UBR3: variants seen among roughly 807,000 people sequenced by gnomAD.
The protein encoded by UBR3 is E3 ubiquitin-protein ligase UBR3.
A neutral mutation model predicts 243.2 loss-of-function variants in UBR3; 85 were observed. The observed-to-expected ratio is 0.35, with a 90% CI of 0.29 to 0.42. UBR3 has a LOEUF of 0.42. Among genes scored for constraint, UBR3 ranks in the 10% least tolerant of loss-of-function variants. The pLI, the probability that UBR3 is intolerant of heterozygous loss-of-function variation, is 1.00. For missense variants in UBR3, 1,686 were observed against 2,300.8 expected (o/e 0.73, Z 5.47); for synonymous variants, 748 against 799.8 (o/e 0.94, Z 1.09).
intron 11 of UBR3, among the ~76,000 whole-genome samples, chr2:169,916,444 A>G (rs2085467361): frequency 1.3e-5 from 2 of 151,440 alleles, no homozygotes; most frequent in South Asian, 4.2e-4. Context: ...TCCTCATCCT[A>G]TTCCCCCTTT....
Position 169,902,702 on chromosome 2 carries a change from C to T in UBR3, c.1466-2412C>T, listed in dbSNP as rs368198321. On this transcript the variant is annotated intron_variant, in intron 8 of 38. Coordinates refer to ENST00000272793, the MANE Select transcript of UBR3 (RefSeq NM_172070.4). ...TCGGCTCACTGCAACCTCCGCCTCC[C>T]GGGTTCAAGTGATTCTCCTGCCTCA... Among the ~76,000 whole-genome samples the T allele has an allele frequency of 7.9e-5, 12 of 152,002 alleles. No homozygotes were observed. In the East Asian group the frequency reaches 9.7e-4, roughly 12 times the overall value.
chr2:169,839,231 A>G (rs1203950556), intron 1 of UBR3, among the ~76,000 whole-genome samples: 1 of 152,254 alleles, frequency 6.6e-6, no homozygotes, highest in African/African-American at 2.4e-5. Flanking sequence ...CATGGGTGGG[A>G]CTGGAGGTCA....
intron 31 of UBR3, among the ~76,000 whole-genome samples, chr2:170,029,777 T>C (rs758958436): frequency 1.3e-5 from 2 of 152,086 alleles, no homozygotes; most frequent in Non-Finnish European, 2.9e-5. Context: ...GATTCCTGCA[T>C]TGTAAAGTGC....
chr2:169,966,597 G>A (rs1460090335), intron 24 of UBR3, among the ~76,000 whole-genome samples: 1 of 152,192 alleles, frequency 6.6e-6, no homozygotes, highest in East Asian at 1.9e-4. Context: ...GCAGTATAGT[G>A]TAGTGGTTGT....
At chr2:169,992,676 G>A (rs982571733) in intron 25 of UBR3, among the ~76,000 whole-genome samples, 6 of 152,136 alleles carry the variant, frequency 3.9e-5, no homozygotes, top group African/African-American at 1.4e-4. Flanking sequence ...TTTAAGAGCA[G>A]CTCTTCTGAT....
intron 31 of UBR3, among the ~76,000 whole-genome samples, chr2:170,034,220 C>T (rs72876415): frequency 0.03 from 4,513 of 152,038 alleles, 91 homozygotes; most frequent in Non-Finnish European, 0.046. Context: ...AGGGTTCACT[C>T]TTGCTGTTGA....
intron 19 of UBR3, among the ~76,000 whole-genome samples, chr2:169,936,351 G>T (rs2105352685): frequency 6.6e-6 from 1 of 152,232 alleles, no homozygotes; most frequent in South Asian, 2.1e-4. Flanking sequence ...GAACCACCGT[G>T]CCTGGCCCAG....
chr2:169,869,349 G>A (rs1326590771), intron 1 of UBR3, among the ~76,000 whole-genome samples: 1 of 150,388 alleles, frequency 6.6e-6, no homozygotes, highest in Admixed American at 6.7e-5. Context: ...AGACTCCTGA[G>A]TAGCTAGGAC....
In UBR3 at chr2:170,001,329, T is replaced by G. The variant is rs1405756891; in HGVS notation, c.3944T>G (p.Ile1315Ser). The G allele has an allele frequency of 2.2e-5, 35 of 1,613,222 alleles. No homozygotes were observed. Among genetic ancestry groups the G allele is most frequent in the Non-Finnish European group, 3.0e-5 (35 of 1,179,424 alleles). ...AGTTCATGTCTCTTGGCAGTATCAA[T>G]TGGCTGGGAAGGAGGTGTTTATGTA... ...KDSSCLLAVS[I>S]GWEGGVYVQT... Residue 1315 changes from isoleucine (I) to serine (S), a missense_variant, in exon 27 of 39, where the codon ATT (isoleucine) becomes AGT (serine). Ile to Ser is a moderately radical substitution (Grantham distance 142). Around this residue, in one of 8 missense-constraint regions of UBR3, gnomAD observed 156 missense variants for 246.3 expected, o/e 0.63. Transcript: ENST00000272793.
At chr2:169,961,678 G>T (rs932127232) in intron 24 of UBR3, among the ~76,000 whole-genome samples, 6 of 152,086 alleles carry the variant, frequency 3.9e-5, no homozygotes, top group Admixed American at 2.6e-4. Flanking sequence ...AAAAAGTCTG[G>T]TGGTAATCTA....
At chr2:169,845,519 G>A (rs1345695958) in intron 1 of UBR3, among the ~76,000 whole-genome samples, 18 of 145,348 alleles carry the variant, frequency 1.2e-4, no homozygotes, top group African/African-American at 4.1e-4. Flanking sequence ...CGTCGTCGTC[G>A]TCGTCGTCGT....
rs1309053509 is a variant in UBR3, at chr2:169,891,204, A to C, written c.1078A>C (p.Arg360=). The stretch of plus-strand genomic sequence containing the variant: ...TAGTCAAGGTCTGGGCAAGAGAAAA[A>C]GGGTAAAACTAAGCAGTGGCACCAA... ...DGSQGLGKRK[R]VKLSSGTKDQ... is the part of the protein sequence containing the mutation. Residue 360 remains arginine, a synonymous_variant, in exon 6 of 39, where the codon AGG becomes CGG. Coordinates refer to ENST00000272793, the MANE Select transcript of UBR3 (RefSeq NM_172070.4). 1.9e-6 allele frequency: 3 copies of C among 1,549,106 alleles called. No homozygotes were observed. Among genetic ancestry groups the C allele is most frequent in the Non-Finnish European group, 2.6e-6 (3 of 1,145,242 alleles).
chr2:169,990,448 A>T (rs2089219031), intron 25 of UBR3, among the ~76,000 whole-genome samples: 2 of 152,128 alleles, frequency 1.3e-5, no homozygotes, highest in South Asian at 4.1e-4. Flanking sequence ...AAGATTCAGA[A>T]AGAGCAGTTA....
At chr2:169,877,357 A>G (rs72887736) in intron 3 of UBR3, 137 bp from the exon 4 acceptor site, 73,134 of 689,018 alleles carry the variant, frequency 0.11, 4,844 homozygotes, top group Admixed American at 0.19. Context: ...TGTTATTTGA[A>G]GCTATCTTAT....
intron 33 of UBR3, among the ~76,000 whole-genome samples, chr2:170,060,341 G>A (rs1574465535): frequency 6.6e-6 from 1 of 151,996 alleles, no homozygotes; most frequent in East Asian, 1.9e-4. Context: ...TGATAAAAAT[G>A]GAAGTAGGAC....
At chr2:169,833,759 G>A (rs2082006358) in intron 1 of UBR3, among the ~76,000 whole-genome samples, 1 of 151,726 alleles carries the variant, frequency 6.6e-6, no homozygotes, top group Non-Finnish European at 1.5e-5. Context: ...AAAGAGATTA[G>A]TTATAATTTA....
At chr2:169,880,687 A>C (rs2105316030) in intron 5 of UBR3, among the ~76,000 whole-genome samples, 1 of 152,228 alleles carries the variant, frequency 6.6e-6, no homozygotes, top group East Asian at 1.9e-4. Context: ...ATATCAGATA[A>C]TTTTAAATAT....
intron 1 of UBR3, among the ~76,000 whole-genome samples, chr2:169,857,300 G>C (rs1181123115): frequency 6.6e-6 from 1 of 151,914 alleles, no homozygotes; most frequent in East Asian, 1.9e-4. Context: ...GTCTCAAACT[G>C]CTGACCCTTC....
chr2:170,080,376 T>G (rs1227870523), intron 37 of UBR3, 169 bp from the exon 38 acceptor site: 1 of 795,352 alleles, frequency 1.3e-6, no homozygotes, highest in East Asian at 2.8e-5. Flanking sequence ...CCCAAATACC[T>G]CCTAATGTAT....
Sources: allele counts gnomAD v4.1 joint callset (sites outside exome capture counted in the v4.1 genomes callset), GRCh38; gene constraint gnomAD v4.1.1; regional missense constraint gnomAD v4.1.1; transcripts MANE v1.5; gene names NCBI Gene and HGNC (gene_info 2026-07-23, HGNC 2026-07-21).